The following PDGFC variants were observed in gnomAD, a reference collection of about 807,000 sequenced individuals.
PDGFC encodes the protein platelet-derived growth factor C.
PDGFC carries 12 observed loss-of-function variants against 35.5 expected under a neutral mutation model. That is an observed-to-expected ratio of 0.34 (90% CI 0.22 to 0.55). PDGFC has a LOEUF of 0.55. Among genes scored for constraint, PDGFC ranks in the 20% least tolerant of loss-of-function variants. PDGFC has a pLI of 0.91. For synonymous variants in PDGFC, 159 were observed against 148.8 expected (o/e 1.07, Z -0.50); for missense variants, 322 against 412.4 (o/e 0.78, Z 1.90).
intron 4 of PDGFC, among the ~76,000 whole-genome samples, chr4:156,768,713 A>C (rs917178731): frequency 2.0e-5 from 3 of 151,998 alleles, no homozygotes; most frequent in African/African-American, 7.2e-5. Flanking sequence ...AGAAATGTTT[A>C]ATTTATCTAA....
At chr4:156,844,793 A>G (rs1013235555) in intron 2 of PDGFC, among the ~76,000 whole-genome samples, 1 of 152,056 alleles carries the variant, frequency 6.6e-6, no homozygotes, top group Non-Finnish European at 1.5e-5. Flanking sequence ...AAATGATATA[A>G]AGCTTTCAAC....
chr4:156,808,296 C>A (rs1362380944), intron 3 of PDGFC, among the ~76,000 whole-genome samples: 1 of 152,000 alleles, frequency 6.6e-6, no homozygotes, highest in Non-Finnish European at 1.5e-5. Flanking sequence ...AACCTCAATG[C>A]AGAAAGTTAA....
At chr4:156,885,583 C>T (rs935126416) in intron 1 of PDGFC, among the ~76,000 whole-genome samples, 1 of 151,940 alleles carries the variant, frequency 6.6e-6, no homozygotes, top group African/African-American at 2.4e-5. Flanking sequence ...GCTGACATTT[C>T]ATTTTGTGTA....
chr4:156,888,983 T>G (rs1261979593), intron 1 of PDGFC, among the ~76,000 whole-genome samples: 2 of 152,198 alleles, frequency 1.3e-5, no homozygotes, highest in African/African-American at 4.8e-5. Context: ...ATTCATGGTT[T>G]GTAACAATTT....
At chr4:156,897,290 TACACAC>T (rs149168649) in intron 1 of PDGFC, among the ~76,000 whole-genome samples, 3 of 148,510 alleles carry the variant, frequency 2.0e-5, no homozygotes, top group African/African-American at 7.4e-5. Flanking sequence ...TATAAATAAA[TACACAC>T]ACACACACAC....
chr4:156,934,211 G>T (rs1731622750), intron 1 of PDGFC, among the ~76,000 whole-genome samples: 2 of 152,146 alleles, frequency 1.3e-5, no homozygotes, highest in African/African-American at 4.8e-5. Context: ...AACCTAAATG[G>T]TATGGCCTAT....
chr4:156,814,192 C>G (rs1184975393), intron 2 of PDGFC, among the ~76,000 whole-genome samples: 1 of 152,136 alleles, frequency 6.6e-6, no homozygotes, highest in African/African-American at 2.4e-5. Context: ...GTTGGCCACC[C>G]TTGCACTTAA....
At chr4:156,890,899 A>G (rs1419571439) in intron 1 of PDGFC, among the ~76,000 whole-genome samples, 3 of 152,166 alleles carry the variant, frequency 2.0e-5, no homozygotes, top group Admixed American at 1.3e-4. Context: ...GTATGTATCC[A>G]TTTGGTAATA....
chr4:156,922,281 G>A (rs1731304358), intron 1 of PDGFC, among the ~76,000 whole-genome samples: 1 of 151,932 alleles, frequency 6.6e-6, no homozygotes, highest in Admixed American at 6.6e-5. Flanking sequence ...GTACTGAATT[G>A]GGAAGGACAG....
At chr4:156,819,301 A>G (rs765250628) in intron 2 of PDGFC, among the ~76,000 whole-genome samples, 2 of 151,868 alleles carry the variant, frequency 1.3e-5, no homozygotes, top group Non-Finnish European at 2.9e-5. Flanking sequence ...TTGGAAGAAG[A>G]TGACATCTAG....
intron 1 of PDGFC, among the ~76,000 whole-genome samples, chr4:156,894,738 G>C (rs1014793001): frequency 7.9e-5 from 12 of 152,158 alleles, no homozygotes; most frequent in South Asian, 6.2e-4. Flanking sequence ...TAGTTAAAAA[G>C]TCAGAAGACA....
chr4:156,849,498 T>C (rs1056494278), intron 2 of PDGFC, among the ~76,000 whole-genome samples: 3 of 152,094 alleles, frequency 2.0e-5, no homozygotes, highest in East Asian at 3.9e-4. Flanking sequence ...ACAAATGTCA[T>C]TGAAGTGAAA....
At chr4:156,968,118 A>C (rs1241328676) in intron 1 of PDGFC, among the ~76,000 whole-genome samples, 2 of 152,186 alleles carry the variant, frequency 1.3e-5, no homozygotes, top group Non-Finnish European at 2.9e-5. Flanking sequence ...GGCTACAGCA[A>C]TCAATTTCCA....
chr4:156,855,145 T>C (rs1357740845), intron 1 of PDGFC, among the ~76,000 whole-genome samples: 1 of 152,104 alleles, frequency 6.6e-6, no homozygotes, highest in African/African-American at 2.4e-5. Flanking sequence ...AAGTAGTCAG[T>C]TTAGCACTTA....
chr4:156,890,469 T>C (rs1450079980), intron 1 of PDGFC, among the ~76,000 whole-genome samples: 3 of 152,168 alleles, frequency 2.0e-5, no homozygotes, highest in Non-Finnish European at 4.4e-5. Flanking sequence ...CTTTCCCACC[T>C]AACTCATTCC....
intron 1 of PDGFC, among the ~76,000 whole-genome samples, chr4:156,920,684 C>A (rs1385803604): frequency 6.8e-6 from 1 of 146,216 alleles, no homozygotes; most frequent in Non-Finnish European, 1.5e-5. Context: ...CACACACACA[C>A]ACACACATAT....
At chr4:156,905,639 T>C (rs1404394089) in intron 1 of PDGFC, among the ~76,000 whole-genome samples, 1 of 151,984 alleles carries the variant, frequency 6.6e-6, no homozygotes, top group Non-Finnish European at 1.5e-5. Flanking sequence ...GAGTAGAAAA[T>C]ATGTCTCTAG....
intron 1 of PDGFC, among the ~76,000 whole-genome samples, chr4:156,945,416 T>C (rs1417240821): frequency 1.5e-5 from 2 of 129,624 alleles, no homozygotes; most frequent in Admixed American, 8.5e-5. Context: ...TTCACAACAG[T>C]AATATGCTTT....
chr4:156,888,978 T>C (rs1389262585), intron 1 of PDGFC, among the ~76,000 whole-genome samples: 2 of 152,228 alleles, frequency 1.3e-5, no homozygotes, highest in African/African-American at 2.4e-5. Context: ...TAATGATTCA[T>C]GGTTTGTAAC....
Sources: allele counts gnomAD v4.1 joint callset (sites outside exome capture counted in the v4.1 genomes callset), GRCh38; gene constraint gnomAD v4.1.1; transcripts MANE v1.5; gene names NCBI Gene and HGNC (gene_info 2026-07-23, HGNC 2026-07-21).